SEMA3C: variants seen among roughly 807,000 people sequenced by gnomAD.
SEMA3C encodes the protein semaphorin-3C.
A neutral mutation model predicts 89.4 loss-of-function variants in SEMA3C; 47 were observed. That is an observed-to-expected ratio of 0.53 (90% CI 0.42 to 0.67). The LOEUF (loss-of-function observed/expected upper bound fraction) is 0.67, where lower values mean the gene tolerates loss of function less well. Among genes scored for constraint, SEMA3C ranks in the 30% least tolerant of loss-of-function variants. The pLI, the probability that SEMA3C is intolerant of heterozygous loss-of-function variation, is 0.00. For missense variants in SEMA3C, 839 were observed against 929.1 expected (o/e 0.90, Z 1.26); for synonymous variants, 310 against 320.2 (o/e 0.97, Z 0.34).
At chr7:80,911,359 C>G (rs1027620274) in intron 2 of SEMA3C, among the ~76,000 whole-genome samples, 1 of 151,982 alleles carries the variant, frequency 6.6e-6, no homozygotes, top group East Asian at 1.9e-4. Context: ...ACAAAGAAGA[C>G]AAAAAGTAGT....
intron 2 of SEMA3C, among the ~76,000 whole-genome samples, chr7:80,841,309 G>A (rs1286785790): frequency 6.6e-6 from 1 of 152,126 alleles, no homozygotes; most frequent in Non-Finnish European, 1.5e-5. Flanking sequence ...AAACTATTGT[G>A]TGCCTGCATA....
chr7:80,777,654 G>A (rs891206325), intron 12 of SEMA3C, among the ~76,000 whole-genome samples: 2 of 152,100 alleles, frequency 1.3e-5, no homozygotes, highest in Non-Finnish European at 2.9e-5. Flanking sequence ...TGGTGACTAT[G>A]GGAATATCTC....
At chr7:80,784,421 A>AAAT (rs1355874669) in intron 12 of SEMA3C, among the ~76,000 whole-genome samples, 3 of 152,118 alleles carry the variant, frequency 2.0e-5, no homozygotes, top group Non-Finnish European at 2.9e-5. Flanking sequence ...GAAAATAAAT[A>AAAT]AATGTAGTTT....
chr7:80,788,943 A>G (rs1788868203), intron 12 of SEMA3C, among the ~76,000 whole-genome samples: 1 of 152,184 alleles, frequency 6.6e-6, no homozygotes, highest in Non-Finnish European at 1.5e-5. Context: ...CATTGAGACA[A>G]GAAGAAGTTT....
At chr7:80,812,105 T>C (rs550100712) in intron 5 of SEMA3C, among the ~76,000 whole-genome samples, 2 of 152,314 alleles carry the variant, frequency 1.3e-5, no homozygotes, top group East Asian at 3.9e-4. Flanking sequence ...TAATTGATCA[T>C]ACTCAGGAAA....
chr7:80,744,672 T>C lies in SEMA3C; in HGVS notation c.*222A>G. On this transcript the variant is annotated 3_prime_UTR_variant, in exon 18 of 18. Transcript: ENST00000265361. ...AGATATAAATAAAATCTGGGTTAAGTTAAATATATTTATATGCACCATGAG... is the reference window on the plus strand; with the variant it reads ...AGATATAAATAAAATCTGGGTTAAGCTAAATATATTTATATGCACCATGAG... The C allele has an allele frequency of 1.8e-6, 1 of 565,140 alleles. No individual in the cohort carries two copies. The allele number at this position is 565,140 out of a possible 1,614,324, so 35.0% of individuals were successfully genotyped here. A position where few individuals can be genotyped will look rare whatever the true frequency, so the allele number is the denominator to read the frequency against.
At chr7:80,753,173 T>C (rs566239286) in intron 15 of SEMA3C, among the ~76,000 whole-genome samples, 37 of 152,320 alleles carry the variant, frequency 2.4e-4, no homozygotes, top group African/African-American at 8.2e-4. Context: ...CGATTGTGTA[T>C]TTCTGTACAC....
intron 2 of SEMA3C, among the ~76,000 whole-genome samples, chr7:80,842,442 T>A (rs1427143269): frequency 6.6e-6 from 1 of 152,146 alleles, no homozygotes; most frequent in Non-Finnish European, 1.5e-5. Context: ...AATATGAGAC[T>A]CAAAGTTTAT....
chr7:80,818,351 C>T lies in SEMA3C; in HGVS notation c.395G>A (p.Ser132Asn). 6.2e-7 allele frequency: 1 copy of T among 1,613,650 alleles called. No individual in the cohort carries two copies. Among genetic ancestry groups the T allele is most frequent in the East Asian group, 2.2e-5 (1 of 44,860 alleles). ...AGTACAGACAGGACTGAAAGCGCCACTCCCACAGACATACAAATGTGTGCG... is the reference window on the plus strand; with the variant it reads ...AGTACAGACAGGACTGAAAGCGCCATTCCCACAGACATACAAATGTGTGCG... ...FNRTHLYVCG[S>N]GAFSPVCTYL... is the part of the protein sequence containing the mutation. The change falls in exon 5 of 18, where the codon AGT becomes AAT. Residue 132 changes from serine to asparagine, a missense_variant. By Grantham distance (46) the Ser-to-Asn change is conservative. Coordinates refer to ENST00000265361, the MANE Select transcript of SEMA3C (RefSeq NM_006379.5).
At chr7:80,789,926 TTCAG>T (rs954898496) in intron 11 of SEMA3C, among the ~76,000 whole-genome samples, 2 of 152,176 alleles carry the variant, frequency 1.3e-5, no homozygotes, top group Non-Finnish European at 2.9e-5. Context: ...TATCATTAAA[TTCAG>T]TCAAACTCTG....
In SEMA3C at chr7:80,880,367, A is replaced by G. The variant is rs575200938; in HGVS notation, c.103+36312T>C. On this transcript the variant is annotated intron_variant, in intron 2 of 17. Coordinates refer to ENST00000265361, the MANE Select transcript of SEMA3C (RefSeq NM_006379.5). ...ACAAGAATATAAGATTCACTATAGT[A>G]CAAGTACTTGTTCTGTTCAAAGATG... Among the ~76,000 whole-genome samples, 4 of 152,302 alleles carry G rather than the reference A, an allele frequency of 2.6e-5. No individual in the cohort carries two copies. The South Asian group carries it at 6.2e-4, about 24-fold the overall frequency.
At chr7:80,902,115 A>G (rs1269375085) in intron 2 of SEMA3C, among the ~76,000 whole-genome samples, 1 of 152,078 alleles carries the variant, frequency 6.6e-6, no homozygotes, top group Non-Finnish European at 1.5e-5. Context: ...ACCGCACTCA[A>G]CTAGTTTCTG....
At chr7:80,869,436 TCA>T (rs1035371965) in intron 2 of SEMA3C, among the ~76,000 whole-genome samples, 1 of 152,126 alleles carries the variant, frequency 6.6e-6, no homozygotes, top group Non-Finnish European at 1.5e-5. Context: ...ATAACAACTC[TCA>T]CAGAAGAAGT....
chr7:80,766,149 AG>A (rs1431691039), intron 12 of SEMA3C, among the ~76,000 whole-genome samples: 9 of 152,192 alleles, frequency 5.9e-5, no homozygotes, highest in African/African-American at 2.2e-4. Flanking sequence ...ATTTTATTTC[AG>A]GTGTGGACAC....
At chr7:80,912,851 T>C (rs1792184018) in intron 2 of SEMA3C, among the ~76,000 whole-genome samples, 1 of 152,220 alleles carries the variant, frequency 6.6e-6, no homozygotes, top group Non-Finnish European at 1.5e-5. Flanking sequence ...AAACGTGCCT[T>C]GTAATGCTAA....
intron 2 of SEMA3C, among the ~76,000 whole-genome samples, chr7:80,891,436 C>A (rs1791611350): frequency 6.6e-6 from 1 of 151,958 alleles, no homozygotes; most frequent in Non-Finnish European, 1.5e-5. Flanking sequence ...TCTCCATCCC[C>A]CTTAAATTCT....
At chr7:80,749,432 C>A (rs1420384714) in intron 16 of SEMA3C, among the ~76,000 whole-genome samples, 1 of 152,076 alleles carries the variant, frequency 6.6e-6, no homozygotes, top group East Asian at 1.9e-4. Context: ...TCAGGCAATA[C>A]CGAAGCCAGG....
upstream of SEMA3C, among the ~76,000 whole-genome samples, chr7:80,919,791 T>A (rs1006593086): frequency 6.6e-6 from 1 of 151,810 alleles, no homozygotes. Flanking sequence ...GCCAGGATGG[T>A]CTGGATCTCT....
At chr7:80,760,403 G>C (rs1788158963) in intron 14 of SEMA3C, among the ~76,000 whole-genome samples, 1 of 152,106 alleles carries the variant, frequency 6.6e-6, no homozygotes. Flanking sequence ...TGACTTCAAA[G>C]ACAATCCTGA....
Sources: allele counts gnomAD v4.1 joint callset (sites outside exome capture counted in the v4.1 genomes callset), GRCh38; gene constraint gnomAD v4.1.1; transcripts MANE v1.5; gene names NCBI Gene and HGNC (gene_info 2026-07-23, HGNC 2026-07-21).